DIS3L2: variants seen among roughly 807,000 people sequenced by gnomAD.
DIS3L2 encodes DIS3 like 3'-5' exoribonuclease 2.
Under a neutral mutation model 97.5 loss-of-function variants are expected in DIS3L2, and 34 were observed. The observed-to-expected ratio is 0.35, with a 90% CI of 0.27 to 0.46. DIS3L2 has a LOEUF of 0.46. Among genes scored for constraint, DIS3L2 ranks in the 20% least tolerant of loss-of-function variants. DIS3L2 has a pLI of 1.00. For missense variants in DIS3L2, 1,038 were observed against 1,146.0 expected (o/e 0.91, Z 1.36); for synonymous variants, 435 against 445.2 (o/e 0.98, Z 0.29).
At chr2:232,142,928 T>A (rs1387066491) in intron 8 of DIS3L2, among the ~76,000 whole-genome samples, 1 of 152,168 alleles carries the variant, frequency 6.6e-6, no homozygotes, top group Non-Finnish European at 1.5e-5. Context: ...TTGCATGGAG[T>A]TTCCAACATT....
downstream of DIS3L2, among the ~76,000 whole-genome samples, chr2:232,338,777 C>CTGGGGCCCAGCCTCTTA (rs1696044843): frequency 6.6e-6 from 1 of 152,164 alleles, no homozygotes. Flanking sequence ...CATGGGTCCA[C>CTGGGGCCCAGCCTCTTA]TGGGGCCCAG....
At chr2:232,097,388 C>G (rs1336106171) in intron 6 of DIS3L2, among the ~76,000 whole-genome samples, 1 of 152,144 alleles carries the variant, frequency 6.6e-6, no homozygotes, top group East Asian at 1.9e-4. Context: ...CACTGGGTCT[C>G]ACGCAAGGCC....
intron 5 of DIS3L2, among the ~76,000 whole-genome samples, chr2:232,036,972 G>A (rs1183765465): frequency 6.6e-6 from 1 of 152,218 alleles, no homozygotes; most frequent in Non-Finnish European, 1.5e-5. Flanking sequence ...CCTGCTGGGA[G>A]GCGTCTCCCT....
At chr2:232,289,038 T>C (rs1694525914) in intron 13 of DIS3L2, among the ~76,000 whole-genome samples, 1 of 152,126 alleles carries the variant, frequency 6.6e-6, no homozygotes, top group Admixed American at 6.5e-5. Context: ...GATTTCAATA[T>C]CACAGATGCA....
At chr2:232,238,021 C>T (rs1381676968) in intron 10 of DIS3L2, among the ~76,000 whole-genome samples, 1 of 151,974 alleles carries the variant, frequency 6.6e-6, no homozygotes, top group Non-Finnish European at 1.5e-5. Context: ...TTTCCCAGAC[C>T]CACATTTAGA....
intron 6 of DIS3L2, among the ~76,000 whole-genome samples, chr2:232,106,662 C>A (rs1159228709): frequency 1.3e-5 from 2 of 152,200 alleles, no homozygotes; most frequent in African/African-American, 2.4e-5. Context: ...TAGCGAGAGA[C>A]TTTAACACCC....
In DIS3L2 at chr2:232,300,109, G is replaced by A. The variant is rs750651562; in HGVS notation, c.1729G>A (p.Glu577Lys). The A allele has an allele frequency of 1.2e-5, 19 of 1,613,582 alleles. No homozygotes were observed. The highest frequency in any genetic ancestry group is 1.6e-4 in the Middle Eastern group (1 of 6,062). ...AGGATGTCATATCTATGAGTACCGC[G>A]AGAGCAACAAGTAAGCCACTCAGTG... ...PQGCHIYEYR[E>K]SNKLVEEFML... Residue 577 changes from glutamate (E) to lysine (K), a missense_variant, in exon 14 of 21, where the codon GAG (glutamate) becomes AAG (lysine). Physicochemically the swap from Glu to Lys is moderately conservative, Grantham distance 56. Coordinates refer to ENST00000325385, the MANE Select transcript of DIS3L2 (RefSeq NM_152383.5).
chr2:232,187,352 C>T (rs1691469138), intron 9 of DIS3L2, among the ~76,000 whole-genome samples: 1 of 152,078 alleles, frequency 6.6e-6, no homozygotes, highest in Non-Finnish European at 1.5e-5. Flanking sequence ...TTTGGCAGCT[C>T]CTCAAAGGGT....
intron 8 of DIS3L2, among the ~76,000 whole-genome samples, chr2:232,155,126 C>G (rs981894566): frequency 2.7e-4 from 41 of 149,944 alleles, no homozygotes; most frequent in Admixed American, 8.6e-4. Context: ...GAGATGAACC[C>G]GGTACCTCAG....
At chr2:232,214,183 G>A (rs1692271894) in intron 10 of DIS3L2, among the ~76,000 whole-genome samples, 1 of 152,172 alleles carries the variant, frequency 6.6e-6, no homozygotes, top group Non-Finnish European at 1.5e-5. Context: ...CAGATCACTT[G>A]CAGCATACCT....
intron 1 of DIS3L2, among the ~76,000 whole-genome samples, chr2:232,005,673 A>G (rs1250962832): frequency 6.6e-6 from 1 of 152,168 alleles, no homozygotes; most frequent in Non-Finnish European, 1.5e-5. Flanking sequence ...TGCAGAATCT[A>G]TAGGTAGTTG....
intron 5 of DIS3L2, among the ~76,000 whole-genome samples, chr2:232,042,865 G>T (rs1265248813): frequency 6.6e-6 from 1 of 152,154 alleles, no homozygotes; most frequent in Non-Finnish European, 1.5e-5. Flanking sequence ...AGTTAATGTA[G>T]GTAAATACTT....
At chr2:232,110,861 A>G (rs1024285151) in intron 6 of DIS3L2, among the ~76,000 whole-genome samples, 2 of 152,042 alleles carry the variant, frequency 1.3e-5, no homozygotes, top group African/African-American at 2.4e-5. Context: ...CATCCTGCAC[A>G]TGTACCCTTG....
intron 11 of DIS3L2, among the ~76,000 whole-genome samples, chr2:232,239,950 A>G (rs1472310462): frequency 6.6e-6 from 1 of 152,200 alleles, no homozygotes; most frequent in Non-Finnish European, 1.5e-5. Flanking sequence ...GGGGCTGAAG[A>G]TCCTGTTGCC....
chr2:232,220,419 A>G (rs1415603962), intron 10 of DIS3L2, among the ~76,000 whole-genome samples: 4 of 152,066 alleles, frequency 2.6e-5, no homozygotes, highest in African/African-American at 9.7e-5. Context: ...GAGAAATAGA[A>G]ATTTGAGGGC....
intron 5 of DIS3L2, among the ~76,000 whole-genome samples, chr2:232,054,318 A>G (rs978892780): frequency 1.3e-5 from 2 of 152,204 alleles, no homozygotes; most frequent in Non-Finnish European, 2.9e-5. Context: ...GAAAGTTTAT[A>G]TTGTCTGTTA....
chr2:232,299,871 G>A (rs1694812333), intron 13 of DIS3L2, among the ~76,000 whole-genome samples, 169 bp from the exon 14 acceptor site: 1 of 152,224 alleles, frequency 6.6e-6, no homozygotes, highest in South Asian at 2.1e-4. Context: ...ATTGATGATG[G>A]GGTCCTTGTA....
intron 9 of DIS3L2, among the ~76,000 whole-genome samples, chr2:232,170,620 C>T (rs1371238365): frequency 6.6e-6 from 1 of 151,940 alleles, no homozygotes; most frequent in Non-Finnish European, 1.5e-5. Context: ...CTTTTTTTCC[C>T]ATTTAATGTC....
intron 6 of DIS3L2, among the ~76,000 whole-genome samples, chr2:232,113,380 C>G (rs571339098): frequency 6.6e-6 from 1 of 152,130 alleles, no homozygotes; most frequent in South Asian, 2.1e-4. Context: ...TTCCCTTATG[C>G]GGTACTAAAA....
Sources: allele counts gnomAD v4.1 joint callset (sites outside exome capture counted in the v4.1 genomes callset), GRCh38; gene constraint gnomAD v4.1.1; transcripts MANE v1.5; gene names NCBI Gene and HGNC (gene_info 2026-07-23, HGNC 2026-07-21).